AMOTL1: variants seen among roughly 807,000 people sequenced by gnomAD.
AMOTL1 encodes the protein angiomotin-like protein 1.
In AMOTL1, 45 loss-of-function variants were observed where a neutral mutation model predicts 102.9. That is an observed-to-expected ratio of 0.44 (90% CI 0.34 to 0.56). AMOTL1 has a LOEUF of 0.56. AMOTL1 is among the 20% of genes least tolerant of loss of function. The probability of loss-of-function intolerance (pLI) is 0.01; values close to 1 mark genes in which losing one functional copy is unlikely to be tolerated. For synonymous variants in AMOTL1, 481 were observed against 484.7 expected, an observed-to-expected ratio of 0.99 and a Z score of 0.10; for missense variants, 1,114 against 1,225.6, an observed-to-expected ratio of 0.91 and a Z score of 1.36.
intron 8 of AMOTL1, among the ~76,000 whole-genome samples, chr11:94,855,355 G>T (rs1952640715): frequency 6.6e-6 from 1 of 152,184 alleles, no homozygotes; most frequent in South Asian, 2.1e-4. Flanking sequence ...TGGATAGCTC[G>T]TAAGAAAAGG....
chr11:94,813,676 A>G (rs572549731), intron 3 of AMOTL1, among the ~76,000 whole-genome samples: 3 of 152,270 alleles, frequency 2.0e-5, no homozygotes, highest in Admixed American at 6.5e-5. Context: ...GTGAATATAC[A>G]TGTCGTCCCA....
chr11:94,744,571 T>C (rs1488916249), intron 3 of AMOTL1, among the ~76,000 whole-genome samples: 1 of 151,974 alleles, frequency 6.6e-6, no homozygotes, highest in Non-Finnish European at 1.5e-5. Context: ...TGTGGCAGGG[T>C]GGAGGGGTAG....
At chr11:94,855,168 T>G (rs1488155837) in intron 8 of AMOTL1, among the ~76,000 whole-genome samples, 1 of 152,234 alleles carries the variant, frequency 6.6e-6, no homozygotes, top group African/African-American at 2.4e-5. Context: ...GCATAGTGGT[T>G]GTGGTTGAAA....
intron 1 of AMOTL1, among the ~76,000 whole-genome samples, chr11:94,714,744 G>A (rs1185705846): frequency 6.6e-6 from 1 of 151,966 alleles, no homozygotes; most frequent in Non-Finnish European, 1.5e-5. Flanking sequence ...GGTAATTTGT[G>A]TCTTCTTACT....
At chr11:94,767,907 T>C (rs1378908287), upstream of AMOTL1, among the ~76,000 whole-genome samples, 1 of 152,108 alleles carries the variant, frequency 6.6e-6, no homozygotes, top group East Asian at 1.9e-4. Flanking sequence ...AAGTGCGTGA[T>C]GGAAGCACTG....
intron 3 of AMOTL1, among the ~76,000 whole-genome samples, chr11:94,808,188 C>A (rs1179126441): frequency 2.0e-5 from 3 of 147,952 alleles, no homozygotes; most frequent in Admixed American, 6.8e-5. Flanking sequence ...AACTCAAAAT[C>A]ATCCCTCTGC....
chr11:94,749,322 A>G (rs1950623676), intron 3 of AMOTL1, among the ~76,000 whole-genome samples: 1 of 151,926 alleles, frequency 6.6e-6, no homozygotes, highest in Non-Finnish European at 1.5e-5. Flanking sequence ...TCTTGAAGAG[A>G]CAGCAAGGAT....
intron 7 of AMOTL1, among the ~76,000 whole-genome samples, chr11:94,853,166 A>T (rs1301049356): frequency 6.6e-6 from 1 of 152,162 alleles, no homozygotes; most frequent in Non-Finnish European, 1.5e-5. Flanking sequence ...AAGTTCCAGG[A>T]TACAAGTGCA....
intron 1 of AMOTL1, among the ~76,000 whole-genome samples, chr11:94,714,555 A>G (rs1403413770): frequency 1.3e-5 from 2 of 152,062 alleles, no homozygotes; most frequent in Non-Finnish European, 2.9e-5. Flanking sequence ...TCAATTTTTT[A>G]AATAGTTGTA....
At chr11:94,734,676 G>A (rs1045231978) in intron 2 of AMOTL1, among the ~76,000 whole-genome samples, 1 of 152,140 alleles carries the variant, frequency 6.6e-6, no homozygotes, top group Non-Finnish European at 1.5e-5. Context: ...AGGGGAGGAG[G>A]AGCGGGTATT....
chr11:94,853,979 A>G lies in AMOTL1; in HGVS notation c.1841A>G (p.Gln614Arg). 1 of 1,605,914 alleles carries G rather than the reference A, an allele frequency of 6.2e-7. No individual in the cohort carries two copies. Among genetic ancestry groups the G allele is most frequent in the South Asian group, 1.1e-5 (1 of 89,312 alleles). Residue 614 changes from glutamine to arginine, a missense_variant, in exon 8 of 13, where the codon CAG becomes CGG. Coordinates refer to ENST00000433060, the MANE Select transcript of AMOTL1 (RefSeq NM_130847.3). ...AYVEKVEKLQ[Q>R]ALTQLQSACE... ...GTTGAGAAAGTTGAGAAGCTGCAGCAGGCCCTGACCCAGCTGCAGTCTGCA... is the reference window on the plus strand; with the variant it reads ...GTTGAGAAAGTTGAGAAGCTGCAGCGGGCCCTGACCCAGCTGCAGTCTGCA...
chr11:94,737,698 A>C (rs369533478), intron 2 of AMOTL1, among the ~76,000 whole-genome samples: 11 of 152,362 alleles, frequency 7.2e-5, no homozygotes, highest in African/African-American at 2.6e-4. Flanking sequence ...GAGGAGACTG[A>C]TTCTGCAGAC....
chr11:94,768,218 C>A (rs1950880199), upstream of AMOTL1: 2 of 1,110,694 alleles, frequency 1.8e-6, no homozygotes, highest in Non-Finnish European at 2.2e-6. Flanking sequence ...CGGGGAGGGG[C>A]GGCGGGTGTC....
intron 3 of AMOTL1, among the ~76,000 whole-genome samples, chr11:94,752,394 G>A (rs932392797): frequency 6.6e-6 from 1 of 152,114 alleles, no homozygotes; most frequent in Non-Finnish European, 1.5e-5. Context: ...TATAAAAGGG[G>A]ATAAAAAAAG....
At chr11:94,856,892 T>C (rs1024699665) in intron 8 of AMOTL1, among the ~76,000 whole-genome samples, 3 of 152,226 alleles carry the variant, frequency 2.0e-5, no homozygotes, top group Non-Finnish European at 4.4e-5. Flanking sequence ...CTTTGACTTA[T>C]GCCGGGACAC....
chr11:94,764,228 AT>A (rs1950829124), upstream of AMOTL1, among the ~76,000 whole-genome samples: 1 of 152,106 alleles, frequency 6.6e-6, no homozygotes, highest in South Asian at 2.1e-4. Flanking sequence ...GATGTAGTAA[AT>A]ACTTCTGAAA....
intron 1 of AMOTL1, among the ~76,000 whole-genome samples, chr11:94,720,148 G>T (rs1950154160): frequency 6.6e-6 from 1 of 152,096 alleles, no homozygotes. Flanking sequence ...CTAAGTCCTG[G>T]CATGAGATTG....
intron 3 of AMOTL1, among the ~76,000 whole-genome samples, chr11:94,761,610 C>T (rs916029212): frequency 6.6e-6 from 1 of 152,218 alleles, no homozygotes; most frequent in East Asian, 1.9e-4. Context: ...GATACTGGCT[C>T]TATGGCTGAG....
chr11:94,857,001 T>C (rs1952680490), intron 8 of AMOTL1, among the ~76,000 whole-genome samples: 1 of 152,136 alleles, frequency 6.6e-6, no homozygotes, highest in Non-Finnish European at 1.5e-5. Flanking sequence ...GAAGGGCTGG[T>C]ACGCTGAGGA....
Sources: allele counts gnomAD v4.1 joint callset (sites outside exome capture counted in the v4.1 genomes callset), GRCh38; gene constraint gnomAD v4.1.1; transcripts MANE v1.5; gene names NCBI Gene and HGNC (gene_info 2026-07-23, HGNC 2026-07-21).